Variants in SLC22A31 observed in about 807,000 individuals in gnomAD.
SLC22A31 encodes solute carrier family 22 member 31.
SLC22A31 carries 42 observed loss-of-function variants against 27.4 expected under a neutral mutation model. The observed-to-expected ratio is 1.53, with a 90% CI of 1.20 to 1.98. The LOEUF is 1.98. Ranked by LOEUF, SLC22A31 falls within the 30% of genes most tolerant of loss-of-function variation. The pLI is 0.00. For synonymous variants in SLC22A31, 290 were observed against 230.8 expected, an observed-to-expected ratio of 1.26 and a Z score of -2.33; for missense variants, 593 against 479.9, an observed-to-expected ratio of 1.24 and a Z score of -2.20.
At chr16:89,197,100 T>C (rs867362504) in intron 8 of SLC22A31, among the ~76,000 whole-genome samples, 198 bp downstream of exon 8, 39 of 152,120 alleles carry the variant, frequency 2.6e-4, no homozygotes, top group African/African-American at 9.4e-4. Context: ...CTGAGCCGTC[T>C]GCCCAGAGCC....
intron 7 of SLC22A31, 22 bp from the exon 8 acceptor site, chr16:89,197,431 T>A: frequency 6.6e-7 from 1 of 1,509,610 alleles, no homozygotes; most frequent in Non-Finnish European, 8.9e-7. Flanking sequence ...GAACAGGGGT[T>A]CCCAGGCTCT....
At position 89,197,339 on chromosome 16, in the gene SLC22A31, G is replaced by C. The variant is rs1261055339; in HGVS notation, c.993C>G (p.Leu331=). The part of the protein sequence containing the change: ...GLLASRAVSA[L]SSLFAAEVFP... The stretch of plus-strand genomic sequence containing the variant: ...AGACCTCGGCCGCGAAGAGGCTGCT[G>C]AGTGCGGACACAGCCCGGGAGGCCA... The change falls in exon 8 of 9, where the codon CTC becomes CTG. Residue 331 remains leucine, a synonymous_variant. Coordinates refer to ENST00000682282, the MANE Select transcript of SLC22A31 (RefSeq NM_001384763.1). 6.5e-7 allele frequency: 1 copy of C among 1,535,756 alleles called. No homozygotes were observed. The highest frequency in any genetic ancestry group is 8.7e-7 in the Non-Finnish European group (1 of 1,146,848).
At chr16:89,199,259 C>G in intron 3 of SLC22A31, 68 bp from the exon 4 acceptor site, 2 of 1,406,960 alleles carry the variant, frequency 1.4e-6, no homozygotes, top group East Asian at 2.5e-5. Context: ...TTGGGAACTG[C>G]GGGGACCTAT....
In SLC22A31 at chr16:89,199,540, G is replaced by A. The variant is rs527333945; in HGVS notation, c.156C>T (p.Ala52=). The change falls in exon 3 of 9, where the codon GCC becomes GCT. Residue 52 remains alanine, a synonymous_variant. Transcript: ENST00000682282. ...DRFGRRAVFV[A]SLVLTTGLGA... ...CCAGGCCTGTGGTCAGCACCAGGGAGGCCACAAAAACTGCCCGGCGTCCAA... is the reference window on the plus strand; with the variant it reads ...CCAGGCCTGTGGTCAGCACCAGGGAAGCCACAAAAACTGCCCGGCGTCCAA... 6 of 452,004 alleles carry A rather than the reference G, an allele frequency of 1.3e-5. No homozygotes were observed. The highest frequency in any genetic ancestry group is 9.8e-5 in the African/African-American group (5 of 51,102). The allele number at this position is 452,004 out of a possible 1,614,324, so 28.0% of individuals were successfully genotyped here. A position where few individuals can be genotyped will look rare whatever the true frequency, so the allele number is the denominator to read the frequency against.
chr16:89,195,859 T>C lies in SLC22A31; in HGVS notation c.*140A>G. ...GGCCTGGCTGGAGACACCTTCACGC[T>C]GTCCCCACGGCTCCACCTGCACTGA... On this transcript the variant is annotated 3_prime_UTR_variant, in exon 9 of 9. Coordinates refer to ENST00000682282, the MANE Select transcript of SLC22A31 (RefSeq NM_001384763.1). 1 of 1,018,064 alleles carries C rather than the reference T, an allele frequency of 9.8e-7. No individual in the cohort carries two copies. The highest frequency in any genetic ancestry group is 2.8e-5 in the East Asian group (1 of 35,172). 63.1% of individuals were successfully genotyped at this position (1,018,064 alleles called of 1,614,324 possible).
rs971555110 is a variant in SLC22A31 at position 89,197,257 on chromosome 16, C to T, written c.1034+41G>A. 5.4e-6 allele frequency: 8 copies of T among 1,481,758 alleles called. No homozygotes were observed. In the East Asian group the frequency reaches 1.7e-4, roughly 32 times the overall value. The allele number at this position is 1,481,758 out of a possible 1,614,324, so 91.8% of individuals were successfully genotyped here. A position where few individuals can be genotyped will look rare whatever the true frequency, so the allele number is the denominator to read the frequency against. On this transcript the variant is annotated intron_variant, in intron 8 of 8. Transcript: ENST00000682282. ...CCTGGCCCCTCCTCCCCATGAGAGG[C>T]CCTGGACCCTGCTGTGTGGCCGGGC...
intron 3 of SLC22A31, 99 bp from the exon 4 acceptor site, chr16:89,199,290 G>C (rs1427711315): frequency 8.2e-7 from 1 of 1,224,214 alleles, no homozygotes; most frequent in African/African-American, 1.5e-5. Context: ...CCCAGGAGCG[G>C]GATGCCCAAG....
In SLC22A31 at chr16:89,199,502, G is replaced by A. The variant is rs1028616877; in HGVS notation, c.194C>T (p.Ala65Val). 2.0e-6 allele frequency: 1 copy of A among 496,994 alleles called. No individual in the cohort carries two copies. 30.8% of individuals were successfully genotyped at this position (496,994 alleles called of 1,614,324 possible). A position where few individuals can be genotyped will look rare whatever the true frequency, so the allele number is the denominator to read the frequency against. The change falls in exon 3 of 9, where the codon GCC (alanine) becomes GTC (valine). Residue 65 changes from alanine to valine, a missense_variant. Transcript: ENST00000682282. ...VLTTGLGASE[A>V]LAASFPTLLV... ...CAGGGTAGGGAAGCTGGCAGCCAGG[G>A]CCTCACTGGCCCCCAGGCCTGTGGT...
At chr16:89,200,577 GGGTTCCA>G (rs1567783549), upstream of SLC22A31, among the ~76,000 whole-genome samples, 1 of 152,208 alleles carries the variant, frequency 6.6e-6, no homozygotes, top group Non-Finnish European at 1.5e-5. Flanking sequence ...GAAGCCCGGC[GGGTTCCA>G]GGGCCCCAGG....
At position 89,199,561 on chromosome 16, in the gene SLC22A31, T is replaced by A. The variant is rs1447782418; in HGVS notation, c.135A>T (p.Gly45=). 2.3e-6 allele frequency: 1 copy of A among 441,162 alleles called. No individual in the cohort carries two copies. Among genetic ancestry groups the A allele is most frequent in the Non-Finnish European group, 4.0e-6 (1 of 247,846 alleles). 27.3% of individuals were successfully genotyped at this position (441,162 alleles called of 1,614,324 possible). Residue 45 remains glycine (G), a synonymous_variant, in exon 3 of 9, where the codon GGA becomes GGT. Transcript: ENST00000682282. ...GGGAGGCCACAAAAACTGCCCGGCG[T>A]CCAAACCTGGTGGGCAGCGGGGGAC... ...VILGAGCDRF[G]RRAVFVASLV...
chr16:89,197,147 G>A (rs998655550), intron 8 of SLC22A31, 151 bp downstream of exon 8: 2 of 603,310 alleles, frequency 3.3e-6, no homozygotes, highest in Admixed American at 5.8e-5. Context: ...CAGGAGCAGG[G>A]CAGTGCTTTA....
chr16:89,196,439 C>T (rs1159590065), intron 8 of SLC22A31, 134 bp from the exon 9 acceptor site: 3 of 1,189,854 alleles, frequency 2.5e-6, no homozygotes, highest in African/African-American at 3.1e-5. Flanking sequence ...AGGAACCCGG[C>T]CCCCAGCACC....
At position 89,198,778 on chromosome 16, in the gene SLC22A31, C is replaced by T. The variant is rs1250291343; in HGVS notation, c.472G>A (p.Glu158Lys). 1.6e-5 allele frequency: 24 copies of T among 1,532,990 alleles called. No individual in the cohort carries two copies. In the Admixed American group the frequency reaches 2.0e-4, roughly 13 times the overall value. 95.0% of individuals were successfully genotyped at this position (1,532,990 alleles called of 1,614,324 possible). The change falls in exon 5 of 9, where the codon GAG becomes AAG. Residue 158 changes from glutamate (E) to lysine (K), a missense_variant. Coordinates refer to ENST00000682282, the MANE Select transcript of SLC22A31 (RefSeq NM_001384763.1). ...GTGGCCAGCAGCCAGCAGGGAGACT[C>T]GGGGAACAGGGCCGGGAACCTGCAG... is the stretch of plus-strand genomic sequence containing the variant. ...LFWGFPALFP[E>K]SPCWLLATGQ...
chr16:89,198,510 G>C lies in SLC22A31; in HGVS notation c.639C>G (p.Tyr213Ter). Residue 213 changes from tyrosine to a stop codon, truncating the protein, a stop_gained, in exon 6 of 9, where the codon TAC becomes TAG. Transcript: ENST00000682282. LOFTEE classifies it high-confidence loss of function. ...TACGCAGAAGCCCCAGTGGGGAGTG[G>C]TACCGGGGCTGGGGGCTCCGTGCAG... Reference protein sequence around the residue: ...MLSARSPQPRYHSPLGLLRTR... With the variant: ...MLSARSPQPR The C allele has an allele frequency of 6.6e-7, 1 of 1,514,350 alleles. No individual in the cohort carries two copies. Among genetic ancestry groups the C allele is most frequent in the South Asian group, 1.2e-5 (1 of 81,120 alleles). 93.8% of individuals were successfully genotyped at this position (1,514,350 alleles called of 1,614,324 possible).
At chr16:89,198,372 G>GCCC (rs1916183100) in intron 6 of SLC22A31, 36 bp from the exon 7 acceptor site, 3 of 1,534,426 alleles carry the variant, frequency 2.0e-6, no homozygotes, top group Non-Finnish European at 1.7e-6. Flanking sequence ...CCCAGCCAGA[G>GCCC]CCGGGGACTC....
In SLC22A31 at chr16:89,199,130, C is replaced by G. The variant is rs968190865; in HGVS notation, c.345G>C (p.Ser115=). Residue 115 remains serine (S), a synonymous_variant, in exon 4 of 9, where the codon TCG becomes TCC. Transcript: ENST00000682282. ...CGGGCAGCAGCAGGGTGCCCACCAC[C>G]GAGAAAAGGCCAGCCCCCATGGAGA... is the stretch of plus-strand genomic sequence containing the variant. The part of the protein sequence containing the change: ...LAFSMGAGLF[S]VVGTLLLPGL... 29 of 1,535,216 alleles carry G rather than the reference C, an allele frequency of 1.9e-5. No individual in the cohort carries two copies. The African/African-American group carries it at 3.3e-4, about 17-fold the overall frequency.
At position 89,198,781 on chromosome 16, in the gene SLC22A31, G is replaced by T. The variant is rs1183670307; in HGVS notation, c.469C>A (p.Pro157Thr). 6.5e-7 allele frequency: 1 copy of T among 1,532,572 alleles called. No individual in the cohort carries two copies. Among genetic ancestry groups the T allele is most frequent in the East Asian group, 2.5e-5 (1 of 40,792 alleles). 94.9% of individuals were successfully genotyped at this position (1,532,572 alleles called of 1,614,324 possible). Residue 157 changes from proline (P) to threonine (T), a missense_variant, in exon 5 of 9, where the codon CCC (proline) becomes ACC (threonine). Coordinates refer to ENST00000682282, the MANE Select transcript of SLC22A31 (RefSeq NM_001384763.1). ...LLFWGFPALFPESPCWLLATG... is the reference protein window; with the variant it reads ...LLFWGFPALFTESPCWLLATG... ...GCCAGCAGCCAGCAGGGAGACTCGGGGAACAGGGCCGGGAACCTGCAGCGT... is the reference window on the plus strand; with the variant it reads ...GCCAGCAGCCAGCAGGGAGACTCGGTGAACAGGGCCGGGAACCTGCAGCGT...
intron 4 of SLC22A31, 40 bp downstream of exon 4, chr16:89,198,982 GC>G: frequency 6.6e-7 from 1 of 1,525,054 alleles, no homozygotes; most frequent in Non-Finnish European, 8.8e-7. Flanking sequence ...TACATAGTCA[GC>G]CCCGATGAGG....
chr16:89,201,479 G>C (rs978423063), upstream of SLC22A31: 19 of 394,718 alleles, frequency 4.8e-5, no homozygotes, highest in Non-Finnish European at 8.5e-5. Context: ...CGCGCAGGGC[G>C]CGCAGCGCTG....
Sources: allele counts gnomAD v4.1 joint callset (sites outside exome capture counted in the v4.1 genomes callset), GRCh38; gene constraint gnomAD v4.1.1; transcripts MANE v1.5; gene names NCBI Gene and HGNC (gene_info 2026-07-23, HGNC 2026-07-21).